Variants in TNRC18 observed in about 807,000 individuals in gnomAD.
The protein encoded by TNRC18 is trinucleotide repeat-containing gene 18 protein.
In TNRC18, 69 loss-of-function variants were observed where a neutral mutation model predicts 226.7. That is an observed-to-expected ratio of 0.30 (90% CI 0.25 to 0.37). The LOEUF (loss-of-function observed/expected upper bound fraction) is 0.37. Ranked by LOEUF, TNRC18 falls within the 10% of genes least tolerant of loss-of-function variation. TNRC18 has a pLI of 1.00. For missense variants in TNRC18, 4,754 were observed against 4,256.6 expected, an observed-to-expected ratio of 1.12 and a Z score of -3.25; for synonymous variants, 2,449 against 1,927.6, an observed-to-expected ratio of 1.27 and a Z score of -7.09.
chr7:5,379,223 A>T (rs1288447381), intron 5 of TNRC18, among the ~76,000 whole-genome samples: 1 of 151,572 alleles, frequency 6.6e-6, no homozygotes, highest in East Asian at 1.9e-4. Flanking sequence ...AAAAACAAAA[A>T]ACACACACAC....
Position 5,371,331 on chromosome 7 carries a change from G to A in TNRC18, c.3263C>T (p.Pro1088Leu), listed in dbSNP as rs1206364223. The A allele has an allele frequency of 6.5e-7, 1 of 1,527,838 alleles. No homozygotes were observed. The highest frequency in any genetic ancestry group is 2.3e-5 in the East Asian group (1 of 44,080). The allele number at this position is 1,527,838 out of a possible 1,614,324, so 94.6% of individuals were successfully genotyped here. The change falls in exon 11 of 30, where the codon CCA becomes CTA. Residue 1088 changes from proline to leucine, a missense_variant. Transcript: ENST00000430969. ...IPPRYPFQAL[P>L]PHYGRPYPFL... is the part of the protein sequence containing the mutation. ...AGGGTAGGGCCTCCCGTAGTGCGGT[G>A]GCAGGGCTTGGAACGGGTACCTGGG...
At position 5,377,051 on chromosome 7, in the gene TNRC18, C is replaced by A. The variant is rs150659235; in HGVS notation, c.2462-58G>T. ...TGGGAGCCCCCAAGCGGTTTGTCCT[C>A]GGGCAGCCCCAGCCCAGCACCACCT... On this transcript the variant is annotated intron_variant, in intron 7 of 29. Coordinates refer to ENST00000430969, the MANE Select transcript of TNRC18 (RefSeq NM_001080495.3). The surrounding 1 kb of genome is among the most constrained non-coding windows in gnomAD (Gnocchi z 5.8). 1 of 1,533,688 alleles carries A rather than the reference C, an allele frequency of 6.5e-7. No homozygotes were observed. The highest frequency in any genetic ancestry group is 8.8e-7 in the Non-Finnish European group (1 of 1,142,676).
intron 16 of TNRC18, among the ~76,000 whole-genome samples, chr7:5,353,620 A>G (rs1792062053): frequency 6.6e-6 from 1 of 151,326 alleles, no homozygotes. Context: ...ATCGAAACTG[A>G]AAAAGCAAGA....
chr7:5,399,712 A>G (rs890244255), intron 2 of TNRC18, among the ~76,000 whole-genome samples: 1 of 151,800 alleles, frequency 6.6e-6, no homozygotes, highest in African/African-American at 2.4e-5. Flanking sequence ...TCTCAAAAAC[A>G]AAAACAAAAA....
At position 5,387,825 on chromosome 7, in the gene TNRC18, C is replaced by A. The variant is rs1445103157; in HGVS notation, c.1999G>T (p.Glu667Ter). Reference protein sequence around the residue: ...RPESAKAFGREGSGAQGEAEV... With the variant: ...RPESAKAFGR ...GCCTCACCCTGGGCACCAGAGCCCT[C>A]GCGCCCGAAAGCTTTGGCGCTCTCG... The change falls in exon 5 of 30, where the codon GAG becomes TAG. Residue 667 changes from glutamate (E) to a stop codon, truncating the protein, a stop_gained. Coordinates refer to ENST00000430969, the MANE Select transcript of TNRC18 (RefSeq NM_001080495.3). LOFTEE classifies it high-confidence loss of function. 6.2e-7 allele frequency: 1 copy of A among 1,606,676 alleles called. No individual in the cohort carries two copies. The highest frequency in any genetic ancestry group is 1.3e-5 in the African/African-American group (1 of 74,908).
rs928057546 is a variant in TNRC18, at chr7:5,377,290, C to G, written c.2461+81G>C. 2.4e-5 allele frequency: 33 copies of G among 1,383,028 alleles called. No individual in the cohort carries two copies. Among genetic ancestry groups the G allele is most frequent in the Non-Finnish European group, 3.0e-5 (31 of 1,038,142 alleles). The allele number at this position is 1,383,028 out of a possible 1,614,324, so 85.7% of individuals were successfully genotyped here. A position where few individuals can be genotyped will look rare whatever the true frequency, so the allele number is the denominator to read the frequency against. ...CCCCCAGGAAACGGCAGGCAGGAGC[C>G]AGCCCTGAGCTCTTGTCCTGCACCC... On this transcript the variant is annotated intron_variant, in intron 7 of 29. Transcript: ENST00000430969. This position sits in a 1 kb window ranked among gnomAD's most constrained non-coding sequence, Gnocchi z 5.8.
chr7:5,370,268 A>C, intron 11 of TNRC18, 107 bp downstream of exon 11: 2 of 1,313,784 alleles, frequency 1.5e-6, no homozygotes, highest in South Asian at 2.9e-5. Context: ...GGCTGCAGTG[A>C]GCTAAGATTG....
At chr7:5,420,624 C>T (rs1782506703) in intron 2 of TNRC18, 1 of 459,838 alleles carries the variant, frequency 2.2e-6, no homozygotes, top group South Asian at 1.5e-5. Flanking sequence ...GAGCTGGGAA[C>T]AGAACCCAGG....
In TNRC18 at chr7:5,306,886, AAAC is replaced by A. The variant is rs1786566960; in HGVS notation, c.*1217_*1219del. 1 of 151,050 alleles carries A rather than the reference AAAC, an allele frequency of 6.6e-6. No homozygotes were observed. Among genetic ancestry groups the A allele is most frequent in the African/African-American group, 2.4e-5 (1 of 40,960 alleles). 9.4% of individuals were successfully genotyped at this position (151,050 alleles called of 1,614,324 possible). Reference sequence around the variant, plus strand: ...AATTCCAAAAGAAACATAAAAAAAAAAACCAATAATTCCCCCAAAAAACAAACC... The same window carrying A: ...AATTCCAAAAGAAACATAAAAAAAAACAATAATTCCCCCAAAAAACAAACC... On this transcript the variant is annotated 3_prime_UTR_variant, in exon 30 of 30. Transcript: ENST00000430969.
At chr7:5,349,925 G>C (rs907774995) in intron 17 of TNRC18, among the ~76,000 whole-genome samples, 75 of 143,786 alleles carry the variant, frequency 5.2e-4, no homozygotes, top group Admixed American at 8.2e-4. Context: ...GGCCTCCCCC[G>C]CCTCCCCTCA....
intron 2 of TNRC18, chr7:5,420,844 G>T: frequency 1.4e-6 from 1 of 731,010 alleles, no homozygotes; most frequent in Non-Finnish European, 2.4e-6. Context: ...CGAGGGCCAA[G>T]CACGCTACGG....
intron 15 of TNRC18, 127 bp from the exon 16 acceptor site, chr7:5,357,403 C>T: frequency 2.9e-6 from 3 of 1,039,874 alleles, no homozygotes; most frequent in Non-Finnish European, 4.1e-6. Flanking sequence ...CTCCTCTTAG[C>T]ACGCATATAT....
chr7:5,402,830 G>A (rs886186178), intron 2 of TNRC18, among the ~76,000 whole-genome samples: 6 of 151,692 alleles, frequency 4.0e-5, no homozygotes, highest in African/African-American at 7.3e-5. Context: ...CTCAAGCCTC[G>A]GCGACAGAGT....
chr7:5,374,079 TG>T lies in TNRC18; in HGVS notation c.3204del (p.Ser1069AlafsTer90). ...KKDLELEKEA[P>X]SPFQALFSDI... is the part of the protein sequence containing the mutation. Reference sequence around the variant, plus strand: ...CCTGAGAACAGGGCCTGGAAGGGGCTGGGGGCTTCCTTCTCCAACTCCAAGT... The same window carrying T: ...CCTGAGAACAGGGCCTGGAAGGGGCTGGGGCTTCCTTCTCCAACTCCAAGT... On this transcript the variant is annotated frameshift_variant, in exon 10 of 30. Transcript: ENST00000430969. LOFTEE classifies it high-confidence loss of function. The T allele has an allele frequency of 6.3e-7, 1 of 1,579,810 alleles. No homozygotes were observed. Among genetic ancestry groups the T allele is most frequent in the South Asian group, 1.1e-5 (1 of 87,598 alleles).
intron 2 of TNRC18, among the ~76,000 whole-genome samples, chr7:5,405,094 G>A (rs1197511628): frequency 6.6e-6 from 1 of 150,654 alleles, no homozygotes; most frequent in Non-Finnish European, 1.5e-5. Context: ...TCCAGCCTGG[G>A]CAACAGAGTG....
At position 5,324,927 on chromosome 7, in the gene TNRC18, C is replaced by T. The variant is rs1200452486; in HGVS notation, c.6300+169G>A. Among the ~76,000 whole-genome samples the T allele has an allele frequency of 6.6e-6, 1 of 152,136 alleles. No individual in the cohort carries two copies. The highest frequency in any genetic ancestry group is 6.5e-5 in the Admixed American group (1 of 15,274). ...ACAGGAGCAGAGTCCCCAGTATCTC[C>T]TTATCCCTGGAGTGTGGGGACGGCC... On this transcript the variant is annotated intron_variant, in intron 20 of 29. Coordinates refer to ENST00000430969, the MANE Select transcript of TNRC18 (RefSeq NM_001080495.3). This position sits in a 1 kb window ranked among gnomAD's most constrained non-coding sequence, Gnocchi z 4.8.
chr7:5,371,295 T>A lies in TNRC18; in HGVS notation c.3299A>T (p.Gln1100Leu). Residue 1100 changes from glutamine (Q) to leucine (L), a missense_variant, in exon 11 of 30, where the codon CAG (glutamine) becomes CTG (leucine). Coordinates refer to ENST00000430969, the MANE Select transcript of TNRC18 (RefSeq NM_001080495.3). Reference sequence around the variant, plus strand: ...GTCCGCGTCGGCGGCGGCCGTGGGCTGCAGCAGGAAAGGGTAGGGCCTCCC... The same window carrying A: ...GTCCGCGTCGGCGGCGGCCGTGGGCAGCAGCAGGAAAGGGTAGGGCCTCCC... ...HYGRPYPFLL[Q>L]PTAAADADGL... The A allele has an allele frequency of 6.4e-7, 1 of 1,572,062 alleles. No individual in the cohort carries two copies. The highest frequency in any genetic ancestry group is 8.6e-7 in the Non-Finnish European group (1 of 1,161,456).
chr7:5,318,789 G>A (rs910344357), intron 24 of TNRC18, among the ~76,000 whole-genome samples: 19 of 152,136 alleles, frequency 1.2e-4, no homozygotes, highest in South Asian at 4.1e-4. Context: ...ATTTCCAGTC[G>A]TGAATTTATA....
intron 24 of TNRC18, among the ~76,000 whole-genome samples, chr7:5,317,767 G>A (rs1056409238): frequency 1.2e-4 from 18 of 150,638 alleles, no homozygotes; most frequent in South Asian, 4.2e-4. Flanking sequence ...ATGCAATGGC[G>A]CAATCATAGC....
Sources: gnomAD v4.1 joint callset for allele counts (sites outside exome capture counted in the v4.1 genomes callset) on GRCh38, gnomAD v4.1.1 for gene constraint, Gnocchi (gnomAD v3.1) non-coding constraint, MANE v1.5 for transcripts, NCBI Gene and HGNC (gene_info 2026-07-23, HGNC 2026-07-21) for gene names.